TBC1D5: variants seen among roughly 807,000 people sequenced by gnomAD.
TBC1D5 encodes TBC1 domain family member 5, also known as TBC1 domain family, member 5.
A neutral mutation model predicts 100.3 loss-of-function variants in TBC1D5; 75 were observed. The observed-to-expected ratio is 0.75, with a 90% CI of 0.62 to 0.91. TBC1D5 has a LOEUF of 0.91. Among genes scored for constraint, TBC1D5 ranks in the 40% least tolerant of loss-of-function variants. The probability of loss-of-function intolerance (pLI) is 0.00; values close to 1 mark genes in which losing one functional copy is unlikely to be tolerated. For missense variants in TBC1D5, 910 were observed against 942.4 expected (o/e 0.97, Z 0.45); for synonymous variants, 323 against 325.6 (o/e 0.99, Z 0.09).
At chr3:17,384,127 G>GT in intron 8 of TBC1D5, 112 bp from the exon 9 acceptor site, 9 of 865,520 alleles carry the variant, frequency 1.0e-5, no homozygotes, top group Non-Finnish European at 1.6e-5. Flanking sequence ...GAACAAGCCT[G>GT]TGTTTGCCAT....
chr3:17,247,455 C>T (rs192016179), intron 16 of TBC1D5, among the ~76,000 whole-genome samples: 17 of 152,234 alleles, frequency 1.1e-4, no homozygotes, highest in Non-Finnish European at 2.1e-4. Flanking sequence ...TAAAAAAATA[C>T]TTTATTGCCA....
intron 8 of TBC1D5, among the ~76,000 whole-genome samples, chr3:17,392,102 G>C (rs2093366574): frequency 6.6e-6 from 1 of 152,030 alleles, no homozygotes; most frequent in Non-Finnish European, 1.5e-5. Context: ...AAGAACTAAA[G>C]ATGAAATCAA....
intron 3 of TBC1D5, among the ~76,000 whole-genome samples, chr3:17,442,377 T>C (rs1191838654): frequency 6.6e-6 from 1 of 152,220 alleles, no homozygotes; most frequent in Admixed American, 6.5e-5. Context: ...CAGAAAAGGT[T>C]CCCTGTTGTG....
At chr3:17,256,259 G>A (rs756882833) in intron 16 of TBC1D5, among the ~76,000 whole-genome samples, 8 of 151,770 alleles carry the variant, frequency 5.3e-5, no homozygotes, top group Non-Finnish European at 7.4e-5. Context: ...GAGTTGTGAC[G>A]TCTTCTGCTT....
At chr3:17,314,241 A>C (rs2084392501) in intron 13 of TBC1D5, among the ~76,000 whole-genome samples, 1 of 152,142 alleles carries the variant, frequency 6.6e-6, no homozygotes, top group South Asian at 2.1e-4. Flanking sequence ...GTAGGGGGTT[A>C]AAAATGTTTA....
At chr3:17,374,665 G>C (rs2152078824) in exon 11 of TBC1D5, 1 of 1,610,338 alleles carries the variant, frequency 6.2e-7, no homozygotes, top group South Asian at 1.1e-5. Flanking sequence ...GTTCAAGACA[G>C]TTTTCATTTC....
chr3:17,657,203 G>T (rs369533634), intron 1 of TBC1D5, among the ~76,000 whole-genome samples: 3 of 152,098 alleles, frequency 2.0e-5, no homozygotes, highest in South Asian at 2.1e-4. Flanking sequence ...TATATACAGA[G>T]AGGTAGAAAC....
In TBC1D5 at chr3:17,254,766, T is replaced by G. The variant is rs771339691; in HGVS notation, c.1331+3740A>C. 9.6e-4 allele frequency among the ~76,000 whole-genome samples: 70 copies of G among 73,236 alleles called. 1 individual carries two copies. The highest frequency in any genetic ancestry group is 1.7e-3 in the East Asian group (4 of 2,346). The allele number at this position is 73,236 out of a possible 152,430, so 48.0% of individuals were successfully genotyped here. ...CCCTTTGTCTTTACCGTGGCGGGGG[T>G]GGGGGGGGGGTCCCAAGACTACCAA... On this transcript the variant is annotated intron_variant, in intron 16 of 21. Transcript: ENST00000253692.
At chr3:17,205,312 T>A (rs1237439643) in intron 18 of TBC1D5, among the ~76,000 whole-genome samples, 2 of 152,150 alleles carry the variant, frequency 1.3e-5, no homozygotes, top group South Asian at 2.1e-4. Context: ...CATAAAGAAA[T>A]CCACTGAAGT....
At chr3:17,407,799 T>G (rs2093812685) in intron 4 of TBC1D5, among the ~76,000 whole-genome samples, 1 of 152,128 alleles carries the variant, frequency 6.6e-6, no homozygotes, top group South Asian at 2.1e-4. Context: ...CAATAGTGGT[T>G]TCTGGCTAAG....
At chr3:17,663,653 T>G (rs2066904408) in intron 1 of TBC1D5, among the ~76,000 whole-genome samples, 1 of 152,156 alleles carries the variant, frequency 6.6e-6, no homozygotes, top group African/African-American at 2.4e-5. Flanking sequence ...ATCAAGAGAC[T>G]TGTAATTACC....
chr3:17,677,433 G>T (rs966152430), intron 1 of TBC1D5, among the ~76,000 whole-genome samples: 9 of 152,096 alleles, frequency 5.9e-5, no homozygotes, highest in Admixed American at 4.6e-4. Context: ...GAAATGCAAA[G>T]CAAAACCACA....
chr3:17,636,525 C>T (rs1472376282), intron 1 of TBC1D5, among the ~76,000 whole-genome samples: 1 of 152,130 alleles, frequency 6.6e-6, no homozygotes, highest in Non-Finnish European at 1.5e-5. Flanking sequence ...GGCACAGTGG[C>T]TCACGCCTGT....
chr3:17,489,898 G>A (rs1304336224), intron 3 of TBC1D5, among the ~76,000 whole-genome samples: 1 of 152,130 alleles, frequency 6.6e-6, no homozygotes, highest in Admixed American at 6.6e-5. Flanking sequence ...GAATCAAATG[G>A]TATTTCTGCC....
At chr3:17,279,683 C>T (rs2080368193) in intron 15 of TBC1D5, among the ~76,000 whole-genome samples, 1 of 152,112 alleles carries the variant, frequency 6.6e-6, no homozygotes, top group African/African-American at 2.4e-5. Context: ...TGTGTAGTAA[C>T]TTTGTTCTCA....
intron 15 of TBC1D5, among the ~76,000 whole-genome samples, chr3:17,264,393 A>C (rs981136429): frequency 1.2e-4 from 18 of 152,196 alleles, no homozygotes; most frequent in African/African-American, 3.4e-4. Flanking sequence ...TTACAGAAGG[A>C]GAAGTCTCAT....
chr3:17,684,655 AATT>A (rs1356683081), intron 1 of TBC1D5, among the ~76,000 whole-genome samples: 5 of 152,084 alleles, frequency 3.3e-5, no homozygotes, highest in African/African-American at 9.6e-5. Flanking sequence ...CACACAAGAG[AATT>A]ATTAACTAAG....
intron 2 of TBC1D5, among the ~76,000 whole-genome samples, chr3:17,526,736 T>C (rs2096141027): frequency 6.6e-6 from 1 of 152,226 alleles, no homozygotes; most frequent in African/African-American, 2.4e-5. Context: ...GTTATCACCA[T>C]TACCAGCACA....
At chr3:17,196,824 TAG>T (rs2125723834) in intron 18 of TBC1D5, among the ~76,000 whole-genome samples, 1 of 152,322 alleles carries the variant, frequency 6.6e-6, no homozygotes, top group Admixed American at 6.5e-5. Flanking sequence ...ATGAACTGTA[TAG>T]AGTCAGTTCC....
Sources: allele counts gnomAD v4.1 joint callset (sites outside exome capture counted in the v4.1 genomes callset), GRCh38; gene constraint gnomAD v4.1.1; transcripts MANE v1.5; gene names NCBI Gene and HGNC (gene_info 2026-07-23, HGNC 2026-07-21).